SLC12A8: variants seen among roughly 807,000 people sequenced by gnomAD.
SLC12A8 encodes cation-chloride cotransporter 9.
A neutral mutation model predicts 75.6 loss-of-function variants in SLC12A8; 69 were observed. That is an observed-to-expected ratio of 0.91 (90% confidence interval 0.75 to 1.11). The LOEUF is 1.11. Ranked by LOEUF, SLC12A8 falls within the 50% of genes most tolerant of loss-of-function variation. SLC12A8 has a pLI of 0.00. For missense variants in SLC12A8, 877 were observed against 896.7 expected, an observed-to-expected ratio of 0.98 and a Z score of 0.28; for synonymous variants, 365 against 372.8, an observed-to-expected ratio of 0.98 and a Z score of 0.24.
chr3:125,115,124 A>G (rs2948797), intron 8 of SLC12A8, among the ~76,000 whole-genome samples: 57,858 of 152,114 alleles, frequency 0.38, 11,339 homozygotes, highest in Admixed American at 0.44. Flanking sequence ...CACCTACTAC[A>G]TGCTTTCATG....
chr3:125,205,715 T>C (rs1935214855), intron 2 of SLC12A8, among the ~76,000 whole-genome samples: 1 of 152,246 alleles, frequency 6.6e-6, no homozygotes, highest in African/African-American at 2.4e-5. Flanking sequence ...GGTTTTATGG[T>C]GAAGCTAACA....
At position 125,107,708 on chromosome 3, in the gene SLC12A8, C is replaced by T. The variant is rs191174556; in HGVS notation, c.1478G>A (p.Ser493Asn). The change falls in exon 10 of 14, where the codon AGC becomes AAC. Residue 493 changes from serine to asparagine, a missense_variant. Transcript: ENST00000469902. The stretch of plus-strand genomic sequence containing the variant: ...TAGGGTCTGCTTGGTGGCCTTCTTG[C>T]TTTTCCTCTTCTGACTTTCTGGGGT... ...NRTPESQKRK[S>N]KKATKQTLQD... The T allele has an allele frequency of 4.3e-6, 7 of 1,614,154 alleles. No individual in the cohort carries two copies. Among genetic ancestry groups the T allele is most frequent in the Admixed American group, 1.7e-5 (1 of 60,020 alleles).
intron 5 of SLC12A8, among the ~76,000 whole-genome samples, chr3:125,146,152 C>T (rs557511519): frequency 2.6e-5 from 4 of 152,328 alleles, no homozygotes; most frequent in African/African-American, 9.6e-5. Flanking sequence ...TTGTACTATA[C>T]TATTTTTATC....
intron 5 of SLC12A8, among the ~76,000 whole-genome samples, chr3:125,166,617 C>T (rs1934296880): frequency 1.3e-5 from 2 of 152,188 alleles, no homozygotes; most frequent in Admixed American, 6.5e-5. Context: ...ACGGGGAGCG[C>T]CAGGAGACCC....
intron 4 of SLC12A8, among the ~76,000 whole-genome samples, chr3:125,179,987 G>A (rs1371598169): frequency 6.6e-6 from 1 of 152,170 alleles, no homozygotes; most frequent in Non-Finnish European, 1.5e-5. Context: ...GACATGCAGA[G>A]GATGATGCCA....
intron 5 of SLC12A8, among the ~76,000 whole-genome samples, chr3:125,137,107 C>T (rs1174637773): frequency 1.3e-5 from 2 of 152,164 alleles, no homozygotes; most frequent in East Asian, 1.9e-4. Context: ...TCCACCCGCT[C>T]GGAGCTTAAT....
At chr3:125,140,806 A>G (rs1933612584) in intron 5 of SLC12A8, among the ~76,000 whole-genome samples, 1 of 152,090 alleles carries the variant, frequency 6.6e-6, no homozygotes, top group Admixed American at 6.5e-5. Context: ...TGCAACCTCA[A>G]ACTCCCAGCC....
chr3:125,141,833 T>C (rs1314692681), intron 5 of SLC12A8, among the ~76,000 whole-genome samples: 2 of 150,392 alleles, frequency 1.3e-5, no homozygotes, highest in Non-Finnish European at 3.0e-5. Context: ...CAACCGAGAA[T>C]AGCCAGCGCG....
At chr3:125,181,662 C>T (rs1188929613) in intron 4 of SLC12A8, among the ~76,000 whole-genome samples, 1 of 138,968 alleles carries the variant, frequency 7.2e-6, no homozygotes, top group Non-Finnish European at 1.6e-5. Flanking sequence ...ACTTCAGTCA[C>T]AAAAATATCA....
At chr3:125,174,731 A>G (rs1411723035) in intron 5 of SLC12A8, among the ~76,000 whole-genome samples, 4 of 152,234 alleles carry the variant, frequency 2.6e-5, no homozygotes, top group Non-Finnish European at 5.9e-5. Flanking sequence ...AAAATGCTAC[A>G]TACTGTATGG....
At chr3:125,170,079 T>C (rs969633681) in intron 5 of SLC12A8, among the ~76,000 whole-genome samples, 4 of 151,956 alleles carry the variant, frequency 2.6e-5, no homozygotes, top group Non-Finnish European at 2.9e-5. Flanking sequence ...AAAAGCAAAT[T>C]AAAAGAAAAA....
intron 2 of SLC12A8, among the ~76,000 whole-genome samples, chr3:125,207,199 G>A (rs959298598): frequency 1.3e-4 from 20 of 152,112 alleles, no homozygotes; most frequent in African/African-American, 3.9e-4. Context: ...GGCCTGCAGC[G>A]GGTTTTTTCT....
chr3:125,103,111 CTA>C (rs1938926446), intron 10 of SLC12A8, among the ~76,000 whole-genome samples: 1 of 152,118 alleles, frequency 6.6e-6, no homozygotes, highest in African/African-American at 2.4e-5. Context: ...CAGAGAGTGC[CTA>C]AACTTGGCAC....
chr3:125,086,641 G>A (rs1579458192), intron 13 of SLC12A8, among the ~76,000 whole-genome samples: 1 of 152,298 alleles, frequency 6.6e-6, no homozygotes, highest in East Asian at 1.9e-4. Context: ...CTCAGGACTG[G>A]GTTGTAGGGG....
intron 8 of SLC12A8, among the ~76,000 whole-genome samples, chr3:125,112,919 T>G (rs930030118): frequency 2.6e-5 from 4 of 152,226 alleles, no homozygotes; most frequent in Non-Finnish European, 5.9e-5. Context: ...GGAGAACCCC[T>G]GGGCACAACA....
In SLC12A8 at chr3:125,088,123, C is replaced by T. The variant is rs144709275; in HGVS notation, c.1982+187G>A. The T allele has an allele frequency of 2.3e-3, 1,333 of 591,154 alleles. 12 individuals carry two copies. The African/African-American group carries it at 0.023, about 10-fold the overall frequency. 36.6% of individuals were successfully genotyped at this position (591,154 alleles called of 1,614,324 possible). On this transcript the variant is annotated intron_variant, in intron 13 of 13. Coordinates refer to ENST00000469902, the MANE Select transcript of SLC12A8 (RefSeq NM_024628.6). ...AGCCTAGAGGAAGCTTCTGATGAGC[C>T]GAATCTGGGGGCCGAGTGTGGTGGA...
chr3:125,103,242 C>T (rs1938929163), intron 10 of SLC12A8, among the ~76,000 whole-genome samples: 2 of 152,012 alleles, frequency 1.3e-5, no homozygotes, highest in African/African-American at 2.4e-5. Context: ...TCCCAGAATG[C>T]CCGTACCTAT....
At chr3:125,149,818 G>A (rs1933874546) in intron 5 of SLC12A8, among the ~76,000 whole-genome samples, 1 of 152,094 alleles carries the variant, frequency 6.6e-6, no homozygotes, top group Non-Finnish European at 1.5e-5. Context: ...AAGGAAGAAA[G>A]GATGAGGCAC....
At chr3:125,170,555 A>G (rs1314370793) in intron 5 of SLC12A8, among the ~76,000 whole-genome samples, 1 of 152,222 alleles carries the variant, frequency 6.6e-6, no homozygotes, top group Non-Finnish European at 1.5e-5. Context: ...TTACACTTTT[A>G]CAAAGAGCTG....
Sources: allele counts gnomAD v4.1 joint callset (sites outside exome capture counted in the v4.1 genomes callset), GRCh38; gene constraint gnomAD v4.1.1; transcripts MANE v1.5; gene names NCBI Gene and HGNC (gene_info 2026-07-23, HGNC 2026-07-21).